WDTC1: variants seen among roughly 807,000 people sequenced by gnomAD.
WDTC1 encodes the protein WD and tetratricopeptide repeats 1, also known as WD and tetratricopeptide repeats protein 1.
WDTC1 carries 12 observed loss-of-function variants against 76.0 expected under a neutral mutation model. The ratio of observed to expected loss-of-function variants is 0.16; its 90% CI spans 0.10 to 0.26. The LOEUF is 0.26. Ranked by LOEUF, WDTC1 falls within the 10% of genes least tolerant of loss-of-function variation. WDTC1 has a pLI of 1.00. For missense variants in WDTC1, 511 were observed against 908.8 expected (o/e 0.56, Z 5.63); for synonymous variants, 326 against 350.8 (o/e 0.93, Z 0.79).
intron 6 of WDTC1, among the ~76,000 whole-genome samples, chr1:27,288,271 G>A (rs548024445): frequency 2.0e-4 from 30 of 152,212 alleles, no homozygotes; most frequent in Non-Finnish European, 4.0e-4. Context: ...GTAGACAGAC[G>A]TTATGCTTGT....
intron 1 of WDTC1, among the ~76,000 whole-genome samples, chr1:27,243,704 A>G (rs559566283): frequency 3.9e-5 from 6 of 152,184 alleles, no homozygotes; most frequent in Non-Finnish European, 8.8e-5. Flanking sequence ...TGACACTTGT[A>G]AACTGTTAGA....
At chr1:27,265,834 C>A (rs959321912) in intron 3 of WDTC1, among the ~76,000 whole-genome samples, 1 of 151,970 alleles carries the variant, frequency 6.6e-6, no homozygotes, top group Non-Finnish European at 1.5e-5. Flanking sequence ...GTAATCCCAG[C>A]AACTTGGGAG....
At chr1:27,239,779 C>T (rs1034046474) in intron 1 of WDTC1, among the ~76,000 whole-genome samples, 1 of 144,322 alleles carries the variant, frequency 6.9e-6, no homozygotes, top group African/African-American at 2.6e-5. Flanking sequence ...CGTGTGCACT[C>T]CAGCCTGGGG....
chr1:27,295,654 G>A (rs1368333299), intron 9 of WDTC1, among the ~76,000 whole-genome samples: 2 of 151,862 alleles, frequency 1.3e-5, no homozygotes, highest in South Asian at 4.2e-4. Flanking sequence ...GGGGTTTCAC[G>A]ATGTTGGTCA....
chr1:27,282,232 C>T lies in WDTC1; in HGVS notation c.133-7C>T, dbSNP rs1557497545. 3 of 1,613,592 alleles carry T rather than the reference C, an allele frequency of 1.9e-6. No individual in the cohort carries two copies. The highest frequency in any genetic ancestry group is 2.2e-5 in the South Asian group (2 of 91,054). The stretch of plus-strand genomic sequence containing the variant: ...CTCTCTTCCTGTCTCTTCATTTGCT[C>T]CCCCAGGGTCACTCAGGATGTGTCA... On this transcript the variant is annotated splice_region_variant and splice_polypyrimidine_tract_variant and intron_variant, in intron 3 of 15. Transcript: ENST00000319394.
chr1:27,290,044 CGTGGGG>C lies in WDTC1; in HGVS notation c.480-2170_480-2165del, dbSNP rs982665310. ...ACCGTGGGGAGAGGGAGAGGGAGAC[CGTGGGG>C]AGGGGGAGGGGGAGAGGGAGAGGGA... On this transcript the variant is annotated intron_variant, in intron 6 of 15. Transcript: ENST00000319394. 2.2e-5 allele frequency among the ~76,000 whole-genome samples: 3 copies of C among 135,688 alleles called. No homozygotes were observed. In the Admixed American group the frequency reaches 2.3e-4, roughly 10 times the overall value. The allele number at this position is 135,688 out of a possible 152,430, so 89.0% of individuals were successfully genotyped here. A position where few individuals can be genotyped will look rare whatever the true frequency, so the allele number is the denominator to read the frequency against.
intron 3 of WDTC1, among the ~76,000 whole-genome samples, chr1:27,273,474 T>C (rs976216422): frequency 1.8e-4 from 28 of 152,166 alleles, no homozygotes; most frequent in African/African-American, 6.3e-4. Flanking sequence ...TCCCAAAGTG[T>C]TGGGATTACA....
rs58267043 is a variant in WDTC1, at chr1:27,284,766, TA to T, written c.291+1330del. Among the ~76,000 whole-genome samples, 69 of 143,630 alleles carry T rather than the reference TA, an allele frequency of 4.8e-4. 1 individual carries two copies. The highest frequency in any genetic ancestry group is 4.9e-4 in the Admixed American group (7 of 14,258). The allele number at this position is 143,630 out of a possible 152,430, so 94.2% of individuals were successfully genotyped here. A position where few individuals can be genotyped will look rare whatever the true frequency, so the allele number is the denominator to read the frequency against. On this transcript the variant is annotated intron_variant, in intron 5 of 15. Coordinates refer to ENST00000319394, the MANE Select transcript of WDTC1 (RefSeq NM_001276252.2). ...CAGACTGTCAGCCTCCTCTTCTATTTAAAAAAAAAAAAACAACCTGAAAAGG... is the reference window on the plus strand; with the variant it reads ...CAGACTGTCAGCCTCCTCTTCTATTTAAAAAAAAAAAACAACCTGAAAAGG...
At chr1:27,291,583 T>C (rs186037723) in intron 6 of WDTC1, among the ~76,000 whole-genome samples, 2 of 151,950 alleles carry the variant, frequency 1.3e-5, no homozygotes, top group African/African-American at 4.8e-5. Context: ...GCGGTGGGAG[T>C]TTGCTGCTGT....
intron 3 of WDTC1, among the ~76,000 whole-genome samples, chr1:27,269,621 G>GTTTTTTTTT (rs538857228): frequency 2.4e-5 from 3 of 126,868 alleles, no homozygotes; most frequent in Non-Finnish European, 3.1e-5. Context: ...TTTTTTTTCG[G>GTTTTTTTTT]TTTTTTTTTT....
intron 6 of WDTC1, among the ~76,000 whole-genome samples, chr1:27,290,371 A>C (rs2013505082): frequency 6.6e-6 from 1 of 152,116 alleles, no homozygotes; most frequent in Non-Finnish European, 1.5e-5. Context: ...GGTGTGAGCT[A>C]CCACACCTGG....
At chr1:27,288,394 G>A (rs922150827) in intron 6 of WDTC1, among the ~76,000 whole-genome samples, 3 of 149,912 alleles carry the variant, frequency 2.0e-5, no homozygotes, top group East Asian at 2.0e-4. Flanking sequence ...GGTGTTTCTC[G>A]CAGAGGGGGA....
chr1:27,304,707 G>A (rs1296160134), intron 14 of WDTC1: 2 of 267,414 alleles, frequency 7.5e-6, no homozygotes, highest in South Asian at 9.8e-5. Flanking sequence ...TTAAAACAGG[G>A]TATTTTGGAG....
rs1220458893 is a variant in WDTC1, at chr1:27,273,211, T to TC, written c.133-9028_133-9027insC. Among the ~76,000 whole-genome samples, 301 of 138,866 alleles carry TC rather than the reference T, an allele frequency of 2.2e-3. 2 individuals are homozygous for TC. Among genetic ancestry groups the TC allele is most frequent in the African/African-American group, 7.5e-3 (286 of 37,970 alleles). The allele number at this position is 138,866 out of a possible 152,430, so 91.1% of individuals were successfully genotyped here. ...ACTAATTTTCTTTTTCTTTTCTTTTTTTTTTTTTTTTTTTTGAGATGGAGT... is the reference window on the plus strand; with the variant it reads ...ACTAATTTTCTTTTTCTTTTCTTTTTCTTTTTTTTTTTTTTTGAGATGGAGT... On this transcript the variant is annotated intron_variant, in intron 3 of 15. Coordinates refer to ENST00000319394, the MANE Select transcript of WDTC1 (RefSeq NM_001276252.2).
chr1:27,269,362 C>T (rs1307921752), intron 3 of WDTC1, among the ~76,000 whole-genome samples: 1 of 147,316 alleles, frequency 6.8e-6, no homozygotes, highest in Non-Finnish European at 1.5e-5. Context: ...AAGTACAAAA[C>T]AGTAAATTCG....
chr1:27,298,059 C>A lies in WDTC1; in HGVS notation c.1180C>A (p.His394Asn), dbSNP rs766658556. 6.2e-7 allele frequency: 1 copy of A among 1,613,928 alleles called. No homozygotes were observed. Among genetic ancestry groups the A allele is most frequent in the East Asian group, 2.2e-5 (1 of 44,874 alleles). The stretch of plus-strand genomic sequence containing the variant: ...CAGCAAGGCTGTGCAGAGGGCCCCT[C>A]ACAATGCCATGCTTTATGGAAACCG... Reference protein sequence around the residue: ...LYSKAVQRAPHNAMLYGNRAA... With the variant: ...LYSKAVQRAPNNAMLYGNRAA... Residue 394 changes from histidine to asparagine, a missense_variant, in exon 12 of 16, where the codon CAC (histidine) becomes AAC (asparagine). His to Asn is a moderately conservative substitution (Grantham distance 68, BLOSUM62 1). Coordinates refer to ENST00000319394, the MANE Select transcript of WDTC1 (RefSeq NM_001276252.2).
intron 6 of WDTC1, among the ~76,000 whole-genome samples, chr1:27,288,293 T>C (rs1034231636): frequency 2.0e-5 from 3 of 152,162 alleles, no homozygotes; most frequent in African/African-American, 4.8e-5. Flanking sequence ...TTAACAATTA[T>C]ATCCTCTGTA....
intron 1 of WDTC1, among the ~76,000 whole-genome samples, chr1:27,250,862 T>TG (rs2012025622): frequency 6.8e-6 from 1 of 146,948 alleles, no homozygotes; most frequent in African/African-American, 2.7e-5. Context: ...TTAATTGACT[T>TG]GTTTTTTTTT....
intron 3 of WDTC1, 128 bp from the exon 4 acceptor site, chr1:27,282,111 T>A (rs1446696017): frequency 6.0e-6 from 5 of 835,754 alleles, no homozygotes; most frequent in Admixed American, 2.4e-5. Context: ...CTTTGGCCAC[T>A]CACATGCACT....
Sources: allele counts gnomAD v4.1 joint callset (sites outside exome capture counted in the v4.1 genomes callset), GRCh38; gene constraint gnomAD v4.1.1; transcripts MANE v1.5; gene names NCBI Gene and HGNC (gene_info 2026-07-23, HGNC 2026-07-21).